Variants in CD163L1 observed in about 807,000 individuals in gnomAD.
The protein encoded by CD163L1 is scavenger receptor cysteine-rich type 1 protein M160.
A neutral mutation model predicts 165.4 loss-of-function variants in CD163L1; 124 were observed. The ratio of observed to expected loss-of-function variants is 0.75; its 90% CI spans 0.65 to 0.87. The LOEUF (loss-of-function observed/expected upper bound fraction) is 0.87. Among genes scored for constraint, CD163L1 ranks in the 40% least tolerant of loss-of-function variants. CD163L1 has a pLI of 0.00. For synonymous variants in CD163L1, 585 were observed against 662.2 expected (o/e 0.88, Z 1.79); for missense variants, 1,525 against 1,799.9 (o/e 0.85, Z 2.76).
chr12:7,380,379 A>ATGTGTGTATACGCGTATACATACATGTT (rs1947369696), intron 8 of CD163L1, among the ~76,000 whole-genome samples: 1 of 140,540 alleles, frequency 7.1e-6, no homozygotes, highest in Non-Finnish European at 1.6e-5. Flanking sequence ...ACATACATGT[A>ATGTGTGTATACGCGTATACATACATGTT]TGTGTGTATA....
intron 4 of CD163L1, among the ~76,000 whole-genome samples, chr12:7,427,541 G>A (rs1483267565): frequency 6.6e-6 from 1 of 152,044 alleles, no homozygotes; most frequent in Non-Finnish European, 1.5e-5. Context: ...ACTTTGGGAG[G>A]TGATGCATAT....
At chr12:7,343,134 A>T (rs1811270817), downstream of CD163L1, among the ~76,000 whole-genome samples, 1 of 152,210 alleles carries the variant, frequency 6.6e-6, no homozygotes, top group African/African-American at 2.4e-5. Context: ...AGAAGGAGAC[A>T]GAAAGAAAGA....
chr12:7,425,110 A>G (rs759997033), intron 4 of CD163L1, among the ~76,000 whole-genome samples: 38 of 152,332 alleles, frequency 2.5e-4, no homozygotes, highest in African/African-American at 9.1e-4. Flanking sequence ...TAAACAAACC[A>G]GCATGGTACT....
At position 7,347,639 on chromosome 12, in the gene CD163L1, G is replaced by A. The variant is rs1946678979; in HGVS notation, c.*25-492C>T. Among the ~76,000 whole-genome samples the A allele has an allele frequency of 6.6e-6, 1 of 152,022 alleles. No individual in the cohort carries two copies. Among genetic ancestry groups the A allele is most frequent in the Non-Finnish European group, 1.5e-5 (1 of 67,994 alleles). ...AAAAATTAGCCTGGTGTGGTGGCGG[G>A]CGCCTGTAGTCCCAGCTACTCGGAG... On this transcript the variant is annotated intron_variant, in intron 4 of 4. Transcript: ENST00000539726. This position sits in a 1 kb window ranked among gnomAD's most constrained non-coding sequence, Gnocchi z 4.2.
the CD163L1 span, among the ~76,000 whole-genome samples, chr12:7,333,105 C>T: frequency 1.6e-4 from 25 of 151,984 alleles, no homozygotes; most frequent in Non-Finnish European, 3.1e-4. Flanking sequence ...AACAAAGATA[C>T]CCAGGAATTG....
chr12:7,433,344 C>CGGTGG, intron 3 of CD163L1, 30 bp downstream of exon 3: 1 of 1,549,622 alleles, frequency 6.5e-7, no homozygotes, highest in Non-Finnish European at 8.7e-7. Context: ...TAGGTCTTAC[C>CGGTGG]TTGCCTTCCT....
intron 2 of CD163L1, 101 bp from the exon 3 acceptor site, chr12:7,433,795 G>A (rs762111207): frequency 4.5e-6 from 4 of 891,786 alleles, no homozygotes; most frequent in African/African-American, 1.7e-5. Context: ...TTTAAATGTT[G>A]TTATTAGAAC....
intron 4 of CD163L1, among the ~76,000 whole-genome samples, chr12:7,408,263 T>C (rs917973375): frequency 6.6e-6 from 1 of 152,150 alleles, no homozygotes; most frequent in African/African-American, 2.4e-5. Flanking sequence ...ACTGGTTTTG[T>C]ATGCATTTGT....
chr12:7,393,967 A>G (rs1229587177), intron 8 of CD163L1, among the ~76,000 whole-genome samples: 4 of 152,224 alleles, frequency 2.6e-5, no homozygotes, highest in African/African-American at 9.6e-5. Context: ...GATAGGAAGA[A>G]TCAATATCGT....
At chr12:7,363,726 GA>G (rs1417780456) in intron 18 of CD163L1, among the ~76,000 whole-genome samples, 1 of 148,032 alleles carries the variant, frequency 6.8e-6, no homozygotes, top group African/African-American at 2.5e-5. Context: ...ACCGTGCCAT[GA>G]AAAAATAGAA....
Position 7,398,325 on chromosome 12 carries a change from T to C in CD163L1, c.1668A>G (p.Glu556=). ...IGNESNIWDC[E]HSGWGKHNCV... ...AATTATGCTTTCCCCATCCACTGTG[T>C]TCACAGTCCCAGATATTTGACTCAT... Residue 556 remains glutamate, a synonymous_variant, in exon 7 of 20, where the codon GAA becomes GAG. Transcript: ENST00000313599. This position sits in a 1 kb window ranked among gnomAD's most constrained non-coding sequence, Gnocchi z 4.5. 6.2e-7 allele frequency: 1 copy of C among 1,614,208 alleles called. No homozygotes were observed. The highest frequency in any genetic ancestry group is 1.6e-4 in the Middle Eastern group (1 of 6,062).
chr12:7,408,973 G>C, intron 4 of CD163L1, among the ~76,000 whole-genome samples: 1 of 152,112 alleles, frequency 6.6e-6, no homozygotes, highest in East Asian at 1.9e-4. Flanking sequence ...AAAAAAAGAA[G>C]AAATAAAGAA....
Position 7,421,274 on chromosome 12 carries a change from T to C in CD163L1, c.766+11142A>G, listed in dbSNP as rs189130346. On this transcript the variant is annotated intron_variant, in intron 4 of 19. Transcript: ENST00000313599. The stretch of plus-strand genomic sequence containing the variant: ...TATATATGTATATATCTTCCAAATG[T>C]GTGTATATATATATGTGTGTATATA... Among the ~76,000 whole-genome samples, 171 of 119,548 alleles carry C rather than the reference T, an allele frequency of 1.4e-3. 1 individual carries two copies. Among genetic ancestry groups the C allele is most frequent in the African/African-American group, 5.0e-3 (146 of 29,086 alleles). The allele number at this position is 119,548 out of a possible 152,430, so 78.4% of individuals were successfully genotyped here.
chr12:7,359,270 C>T (rs1189654368), intron 18 of CD163L1, among the ~76,000 whole-genome samples: 1 of 150,840 alleles, frequency 6.6e-6, no homozygotes, highest in Non-Finnish European at 1.5e-5. Flanking sequence ...GAATAAATGC[C>T]AAAAAAACAA....
chr12:7,388,339 G>T (rs192991788), intron 8 of CD163L1, among the ~76,000 whole-genome samples: 1 of 152,160 alleles, frequency 6.6e-6, no homozygotes, highest in Non-Finnish European at 1.5e-5. Flanking sequence ...ACATCCTGTT[G>T]AATAGGAGAA....
rs1340674921 is a variant in CD163L1 at position 7,398,892 on chromosome 12, CT to C, written c.1409-309del. Among the ~76,000 whole-genome samples the C allele has an allele frequency of 2.0e-5, 3 of 152,106 alleles. No homozygotes were observed. The highest frequency in any genetic ancestry group is 4.4e-5 in the Non-Finnish European group (3 of 68,022). On this transcript the variant is annotated intron_variant, in intron 6 of 19. Transcript: ENST00000313599. The surrounding 1 kb of genome is among the most constrained non-coding windows in gnomAD (Gnocchi z 4.5). ...CAACGTGGAAGCATGCAGAGAAGTT[CT>C]TTGAGGTATGGATACATTCAGGAGA...
chr12:7,435,653 T>C (rs1388562481), intron 2 of CD163L1, among the ~76,000 whole-genome samples: 1 of 152,052 alleles, frequency 6.6e-6, no homozygotes, highest in Non-Finnish European at 1.5e-5. Context: ...TCATCCTATC[T>C]GGTAAAGTTG....
chr12:7,348,830 A>G (rs1350339016), intron 4 of CD163L1, among the ~76,000 whole-genome samples: 1 of 150,540 alleles, frequency 6.6e-6, no homozygotes, highest in Non-Finnish European at 1.5e-5. Flanking sequence ...TTTTTTTTCA[A>G]AATAAATGTT....
chr12:7,344,339 C>A (rs375992042), downstream of CD163L1, among the ~76,000 whole-genome samples: 1 of 152,154 alleles, frequency 6.6e-6, no homozygotes, highest in African/African-American at 2.4e-5. Flanking sequence ...CTGCCTGCTT[C>A]GGCCTCCCAA....
Sources: gnomAD v4.1 joint callset for allele counts (sites outside exome capture counted in the v4.1 genomes callset) on GRCh38, gnomAD v4.1.1 for gene constraint, Gnocchi (gnomAD v3.1) non-coding constraint, MANE v1.5 for transcripts, NCBI Gene and HGNC (gene_info 2026-07-23, HGNC 2026-07-21) for gene names.